SPATS2L: variants seen among roughly 807,000 people sequenced by gnomAD.
SPATS2L encodes the protein spermatogenesis associated serine rich 2 like, also known as SPATS2-like protein.
In SPATS2L, 30 loss-of-function variants were observed where a neutral mutation model predicts 59.6. The ratio of observed to expected loss-of-function variants is 0.50; its 90% CI spans 0.38 to 0.68. SPATS2L has a LOEUF of 0.68. SPATS2L is among the 30% of genes least tolerant of loss of function. The pLI is 0.00. For synonymous variants in SPATS2L, 252 were observed against 263.5 expected, an observed-to-expected ratio of 0.96 and a Z score of 0.42; for missense variants, 615 against 700.0, an observed-to-expected ratio of 0.88 and a Z score of 1.37.
chr2:200,453,684 C>G (rs924285101), intron 8 of SPATS2L, among the ~76,000 whole-genome samples: 1 of 152,222 alleles, frequency 6.6e-6, no homozygotes, highest in African/African-American at 2.4e-5. Flanking sequence ...GCTATCAGCC[C>G]AGCTGACATC....
At chr2:200,428,473 G>C (rs2083716568) in intron 6 of SPATS2L, among the ~76,000 whole-genome samples, 1 of 152,048 alleles carries the variant, frequency 6.6e-6, no homozygotes, top group East Asian at 1.9e-4. Flanking sequence ...CTGTTAAATT[G>C]CTGAAGCTCC....
At chr2:200,437,775 A>G (rs2084399544) in intron 6 of SPATS2L, among the ~76,000 whole-genome samples, 2 of 152,184 alleles carry the variant, frequency 1.3e-5, no homozygotes, top group Admixed American at 6.5e-5. Flanking sequence ...GTCTAATTAT[A>G]TTGATCATGA....
Position 200,439,468 on chromosome 2 carries a change from A to G in SPATS2L, c.652+140A>G, listed in dbSNP as rs565740972. 8.2e-5 allele frequency: 55 copies of G among 670,856 alleles called. No individual in the cohort carries two copies. In the East Asian group the frequency reaches 1.4e-3, roughly 17 times the overall value. The allele number at this position is 670,856 out of a possible 1,614,324, so 41.6% of individuals were successfully genotyped here. On this transcript the variant is annotated intron_variant, in intron 7 of 12. Coordinates refer to ENST00000409140, the MANE Select transcript of SPATS2L (RefSeq NM_001100423.2). ...TTGCATTTTTTTTTCTGTGACCCAC[A>G]TAGATGGAAAGGCAGAGGTGATTCC... is the stretch of plus-strand genomic sequence containing the variant.
At chr2:200,456,828 A>G (rs539885739) in intron 8 of SPATS2L, among the ~76,000 whole-genome samples, 1 of 152,228 alleles carries the variant, frequency 6.6e-6, no homozygotes, top group South Asian at 2.1e-4. Context: ...CTCTAAACCC[A>G]GGGACTCTAT....
intron 6 of SPATS2L, among the ~76,000 whole-genome samples, chr2:200,420,092 A>C (rs756165825): frequency 1.5e-4 from 23 of 152,218 alleles, no homozygotes; most frequent in Non-Finnish European, 2.6e-4. Context: ...AGAATCTGGA[A>C]CATTAATTAT....
At chr2:200,425,588 G>A (rs1460817046) in intron 6 of SPATS2L, among the ~76,000 whole-genome samples, 2 of 152,100 alleles carry the variant, frequency 1.3e-5, no homozygotes, top group African/African-American at 4.8e-5. Context: ...ACAATATTGT[G>A]GTGAGCAGTA....
intron 1 of SPATS2L, chr2:200,309,021 A>T: frequency 1.4e-6 from 1 of 717,768 alleles, no homozygotes; most frequent in South Asian, 1.5e-5. Flanking sequence ...GAAAGAAAAT[A>T]CTTAGGCCAC....
chr2:200,478,052 T>C lies in SPATS2L; in HGVS notation c.*21T>C. ...CCTGAGCTAGGAGGAAAAAGAGCAGTTTTCACTCAGTTTTGGTTCCCTGCC... is the reference window on the plus strand; with the variant it reads ...CCTGAGCTAGGAGGAAAAAGAGCAGCTTTCACTCAGTTTTGGTTCCCTGCC... On this transcript the variant is annotated 3_prime_UTR_variant, in exon 13 of 13. Coordinates refer to ENST00000409140, the MANE Select transcript of SPATS2L (RefSeq NM_001100423.2). The C allele has an allele frequency of 6.6e-7, 1 of 1,521,174 alleles. No individual in the cohort carries two copies. Among genetic ancestry groups the C allele is most frequent in the Non-Finnish European group, 8.8e-7 (1 of 1,136,384 alleles). The allele number at this position is 1,521,174 out of a possible 1,614,324, so 94.2% of individuals were successfully genotyped here.
intron 8 of SPATS2L, among the ~76,000 whole-genome samples, chr2:200,445,379 GTTTTATC>G (rs1452550752): frequency 6.6e-6 from 1 of 152,166 alleles, no homozygotes; most frequent in African/African-American, 2.4e-5. Flanking sequence ...TTTGAAATAA[GTTTTATC>G]TTTCTCATCC....
chr2:200,410,827 G>C (rs988988451), intron 3 of SPATS2L, among the ~76,000 whole-genome samples: 4 of 152,060 alleles, frequency 2.6e-5, no homozygotes, highest in African/African-American at 9.7e-5. Context: ...CAGGAAGTTT[G>C]ATTGCTTGTC....
intron 8 of SPATS2L, among the ~76,000 whole-genome samples, chr2:200,455,640 A>T (rs2085782618): frequency 6.6e-6 from 1 of 152,126 alleles, no homozygotes; most frequent in South Asian, 2.1e-4. Flanking sequence ...AATGTGGTTG[A>T]TGATACTGTC....
intron 6 of SPATS2L, among the ~76,000 whole-genome samples, chr2:200,431,757 C>T (rs1866148): frequency 0.91 from 138,590 of 152,264 alleles, 63,609 homozygotes; most frequent in Non-Finnish European, 0.97. Flanking sequence ...TTTGAATACA[C>T]ACATGGCTGT....
At chr2:200,372,963 C>A (rs2081477127) in intron 2 of SPATS2L, among the ~76,000 whole-genome samples, 2 of 152,134 alleles carry the variant, frequency 1.3e-5, no homozygotes, top group African/African-American at 4.8e-5. Context: ...CAGGTGCCCA[C>A]TAAGTGCTAA....
At position 200,479,395 on chromosome 2, in the gene SPATS2L, T is replaced by C; in HGVS notation, c.*1364T>C. ...CAGAAATCCCAGCAAAGGTCTTGCA[T>C]ACCATTGCTGGTAGGCCTGTCTCTT... On this transcript the variant is annotated 3_prime_UTR_variant, in exon 13 of 13. Coordinates refer to ENST00000409140, the MANE Select transcript of SPATS2L (RefSeq NM_001100423.2). 2.5e-6 allele frequency: 1 copy of C among 397,108 alleles called. No homozygotes were observed. The allele number at this position is 397,108 out of a possible 1,614,324, so 24.6% of individuals were successfully genotyped here. A position where few individuals can be genotyped will look rare whatever the true frequency, so the allele number is the denominator to read the frequency against.
At chr2:200,457,223 TACACACACACACAC>T (rs4035249) in intron 8 of SPATS2L, among the ~76,000 whole-genome samples, 3 of 148,012 alleles carry the variant, frequency 2.0e-5, no homozygotes, top group South Asian at 2.2e-4. Context: ...AAAACATACA[TACACACACACACAC>T]ACACACACAC....
intron 6 of SPATS2L, among the ~76,000 whole-genome samples, chr2:200,434,996 G>C (rs1455307711): frequency 6.6e-6 from 1 of 152,120 alleles, no homozygotes; most frequent in Non-Finnish European, 1.5e-5. Flanking sequence ...TCCAGAAATA[G>C]TCACGCATAT....
At chr2:200,398,092 G>A (rs150244367) in intron 3 of SPATS2L, among the ~76,000 whole-genome samples, 7 of 152,252 alleles carry the variant, frequency 4.6e-5, no homozygotes, top group Non-Finnish European at 7.3e-5. Context: ...GCCCACTGGG[G>A]GAATGTTCAG....
At chr2:200,452,727 C>G (rs3754789) in intron 8 of SPATS2L, among the ~76,000 whole-genome samples, 130,694 of 152,130 alleles carry the variant, frequency 0.86, 56,830 homozygotes, top group South Asian at 0.95. Flanking sequence ...CACCCCCACT[C>G]TATTTCCCGG....
At chr2:200,388,229 G>A (rs2082054212) in intron 2 of SPATS2L, among the ~76,000 whole-genome samples, 1 of 152,074 alleles carries the variant, frequency 6.6e-6, no homozygotes, top group Non-Finnish European at 1.5e-5. Context: ...GGCAGCTTTA[G>A]ATATGGTGGT....
Sources: gnomAD v4.1 joint callset for allele counts (sites outside exome capture counted in the v4.1 genomes callset) on GRCh38, gnomAD v4.1.1 for gene constraint, MANE v1.5 for transcripts, NCBI Gene and HGNC (gene_info 2026-07-23, HGNC 2026-07-21) for gene names.